The following SMAD2 variants were observed in gnomAD, a reference collection of about 807,000 sequenced individuals.
SMAD2 encodes MAD homolog 2.
A neutral mutation model predicts 64.4 loss-of-function variants in SMAD2; 8 were observed. That is an observed-to-expected ratio of 0.12 (90% CI 0.07 to 0.22). The LOEUF is 0.22. SMAD2 is among the 10% of genes least tolerant of loss of function. The pLI is 1.00. For synonymous variants in SMAD2, 203 were observed against 195.8 expected, an observed-to-expected ratio of 1.04 and a Z score of -0.31; for missense variants, 289 against 561.2, an observed-to-expected ratio of 0.51 and a Z score of 4.90.
At chr18:47,886,302 T>C (rs972412711) in intron 2 of SMAD2, among the ~76,000 whole-genome samples, 3 of 152,234 alleles carry the variant, frequency 2.0e-5, no homozygotes, top group Non-Finnish European at 4.4e-5. Context: ...CTTTTATGCA[T>C]AGAGGTTATG....
chr18:47,844,110 G>A (rs148986116), intron 10 of SMAD2, among the ~76,000 whole-genome samples: 2 of 152,154 alleles, frequency 1.3e-5, no homozygotes, highest in South Asian at 4.2e-4. Flanking sequence ...AATCAAAACA[G>A]AACTACAGCA....
rs558616360 is a variant in SMAD2 at position 47,815,759 on chromosome 18, T to C, written c.*26068A>G. The C allele has an allele frequency of 2.0e-5, 3 of 152,322 alleles. No individual in the cohort carries two copies. Among genetic ancestry groups the C allele is most frequent in the South Asian group, 2.1e-4 (1 of 4,818 alleles). The allele number at this position is 152,322 out of a possible 1,614,324, so 9.4% of individuals were successfully genotyped here. A position where few individuals can be genotyped will look rare whatever the true frequency, so the allele number is the denominator to read the frequency against. ...CACACTTGGCTGTGAATAGCAGGGA[T>C]AGAAAGTAGTTATGGGGCTTGCAAG... is the stretch of plus-strand genomic sequence containing the variant. On this transcript the variant is annotated 3_prime_UTR_variant, in exon 11 of 11. Transcript: ENST00000262160.
Position 47,896,800 on chromosome 18 carries a change from T to C in SMAD2, c.-44A>G. ...AAGCCACGCTAGGAAAACAGCCTCT[T>C]GTATCGAACCTAGCAGAAATATTGA... is the stretch of plus-strand genomic sequence containing the variant. On this transcript the variant is annotated 5_prime_UTR_variant, in exon 2 of 11. Coordinates refer to ENST00000262160, the MANE Select transcript of SMAD2 (RefSeq NM_005901.6). 3 of 1,595,960 alleles carry C rather than the reference T, an allele frequency of 1.9e-6. No individual in the cohort carries two copies. The highest frequency in any genetic ancestry group is 2.2e-5 in the South Asian group (2 of 89,378).
chr18:47,865,312 A>C (rs2031477041), intron 5 of SMAD2, among the ~76,000 whole-genome samples, 179 bp from the exon 6 acceptor site: 1 of 152,176 alleles, frequency 6.6e-6, no homozygotes, highest in African/African-American at 2.4e-5. Context: ...CAAATTTTGC[A>C]GTGAATCCTT....
At chr18:47,856,854 AT>A (rs758202544) in intron 6 of SMAD2, among the ~76,000 whole-genome samples, 4,429 of 123,128 alleles carry the variant, frequency 0.036, 23 homozygotes, top group South Asian at 0.082. Context: ...AACTATGCTA[AT>A]TTTTTTTTTT....
intron 4 of SMAD2, 90 bp from the exon 5 acceptor site, chr18:47,868,547 G>T: frequency 9.5e-7 from 1 of 1,054,842 alleles, no homozygotes; most frequent in Non-Finnish European, 1.4e-6. Flanking sequence ...AAGAGAAGTT[G>T]TAGCTTAATT....
rs1275666218 is a variant in SMAD2, at chr18:47,822,754, A to G, written c.*19073T>C. The G allele has an allele frequency of 6.6e-6, 1 of 152,240 alleles. No homozygotes were observed. Among genetic ancestry groups the G allele is most frequent in the Non-Finnish European group, 1.5e-5 (1 of 68,062 alleles). 9.4% of individuals were successfully genotyped at this position (152,240 alleles called of 1,614,324 possible). On this transcript the variant is annotated 3_prime_UTR_variant, in exon 11 of 11. Coordinates refer to ENST00000262160, the MANE Select transcript of SMAD2 (RefSeq NM_005901.6). ...GAATGCAGTGGCACGATCTTGTTTC[A>G]GTGCAACTTCTGCCTCCAGGGTTCA...
intron 2 of SMAD2, among the ~76,000 whole-genome samples, chr18:47,889,329 T>C (rs912825553): frequency 1.3e-5 from 2 of 152,098 alleles, no homozygotes; most frequent in African/African-American, 4.8e-5. Flanking sequence ...CTGGAAGGAC[T>C]CTACTACAAG....
intron 1 of SMAD2, chr18:47,912,478 T>TACATA (rs2034175469): frequency 6.6e-6 from 1 of 152,230 alleles, no homozygotes; most frequent in Admixed American, 6.5e-5. Flanking sequence ...TGCCTTTATG[T>TACATA]AAGTAACTAT....
chr18:47,902,829 T>TG (rs1168773134), intron 1 of SMAD2, among the ~76,000 whole-genome samples: 2 of 152,160 alleles, frequency 1.3e-5, no homozygotes, highest in Non-Finnish European at 2.9e-5. Flanking sequence ...GCTGCATGGA[T>TG]GGTCTCTTTC....
At chr18:47,854,035 A>T (rs1242719786) in intron 6 of SMAD2, among the ~76,000 whole-genome samples, 1 of 152,116 alleles carries the variant, frequency 6.6e-6, no homozygotes, top group Non-Finnish European at 1.5e-5. Context: ...TACAGATTAC[A>T]AAAAAGACAA....
chr18:47,825,009 GT>G lies in SMAD2; in HGVS notation c.*16817del, dbSNP rs1912697839. 1 of 152,100 alleles carries G rather than the reference GT, an allele frequency of 6.6e-6. No homozygotes were observed. Among genetic ancestry groups the G allele is most frequent in the African/African-American group, 2.4e-5 (1 of 41,402 alleles). The allele number at this position is 152,100 out of a possible 1,614,324, so 9.4% of individuals were successfully genotyped here. A position where few individuals can be genotyped will look rare whatever the true frequency, so the allele number is the denominator to read the frequency against. On this transcript the variant is annotated 3_prime_UTR_variant, in exon 11 of 11. Transcript: ENST00000262160. ...TAAAGACTGGAAAAAATATACACCA[GT>G]CGTTTTCTCTGGTTGTTGGAATCTG...
chr18:47,868,085 T>C (rs1299850516), intron 5 of SMAD2, among the ~76,000 whole-genome samples: 1 of 152,168 alleles, frequency 6.6e-6, no homozygotes, highest in Non-Finnish European at 1.5e-5. Context: ...TCACAGTACT[T>C]TGATTAAAGT....
chr18:47,849,487 G>GTATATATATATA (rs10584029), intron 7 of SMAD2, among the ~76,000 whole-genome samples: 40 of 148,372 alleles, frequency 2.7e-4, no homozygotes, highest in African/African-American at 9.7e-4. Flanking sequence ...AGAAATGTAT[G>GTATATATATATA]TATATATATA....
At chr18:47,904,637 A>G (rs1197358022) in intron 1 of SMAD2, among the ~76,000 whole-genome samples, 1 of 152,166 alleles carries the variant, frequency 6.6e-6, no homozygotes, top group Non-Finnish European at 1.5e-5. Flanking sequence ...CCTAAACAAA[A>G]TATTAGCAAA....
rs1912168524 is a variant in SMAD2, at chr18:47,810,556, G to GT, written c.*31270dup. 1 of 152,140 alleles carries GT rather than the reference G, an allele frequency of 6.6e-6. No individual in the cohort carries two copies. Among genetic ancestry groups the GT allele is most frequent in the Non-Finnish European group, 1.5e-5 (1 of 68,040 alleles). The allele number at this position is 152,140 out of a possible 1,614,324, so 9.4% of individuals were successfully genotyped here. On this transcript the variant is annotated 3_prime_UTR_variant, in exon 11 of 11. Transcript: ENST00000262160. ...AAATCAAGGTCCTCCCAAATAAAAA[G>GT]TATCTTTTTCCTACAGTTTCCACAA... is the stretch of plus-strand genomic sequence containing the variant.
chr18:47,848,587 G>A lies in SMAD2; in HGVS notation c.885C>T (p.Pro295=), dbSNP rs1419782308. 6.8e-6 allele frequency: 11 copies of A among 1,612,602 alleles called. No homozygotes were observed. Among genetic ancestry groups the A allele is most frequent in the Non-Finnish European group, 9.3e-6 (11 of 1,178,770 alleles). ...CTGTAAAGCCATCTACAGTGAGTGA[G>A]GGCTGTGATGCATGGAAGGTTTCTC... is the stretch of plus-strand genomic sequence containing the variant. The part of the protein sequence containing the change: ...RVGETFHASQ[P]SLTVDGFTDP... The change falls in exon 8 of 11, where the codon CCC becomes CCT. Residue 295 remains proline, a synonymous_variant. Coordinates refer to ENST00000262160, the MANE Select transcript of SMAD2 (RefSeq NM_005901.6).
intron 2 of SMAD2, among the ~76,000 whole-genome samples, chr18:47,894,656 C>G (rs1164234122): frequency 6.6e-6 from 1 of 152,204 alleles, no homozygotes; most frequent in Admixed American, 6.5e-5. Context: ...TTTCCACAAG[C>G]CTCCTCTGGA....
chr18:47,847,653 C>T (rs1226707784), intron 8 of SMAD2, among the ~76,000 whole-genome samples: 1 of 112,050 alleles, frequency 8.9e-6, no homozygotes, highest in Non-Finnish European at 1.8e-5. Context: ...AATAGAGTGG[C>T]AACATTTCAC....
Sources: allele counts gnomAD v4.1 joint callset (sites outside exome capture counted in the v4.1 genomes callset), GRCh38; gene constraint gnomAD v4.1.1; transcripts MANE v1.5; gene names NCBI Gene and HGNC (gene_info 2026-07-23, HGNC 2026-07-21).